Variants in CFAP57 observed in about 807,000 individuals in gnomAD.
The protein encoded by CFAP57 is cilia- and flagella-associated protein 57.
In CFAP57, 116 loss-of-function variants were observed where a neutral mutation model predicts 146.8. That is an observed-to-expected ratio of 0.79 (90% CI 0.68 to 0.92). The LOEUF (loss-of-function observed/expected upper bound fraction) is 0.92, where lower values mean the gene tolerates loss of function less well. CFAP57 is among the 40% of genes least tolerant of loss of function. The probability of loss-of-function intolerance (pLI) is 0.00; values close to 1 mark genes in which losing one functional copy is unlikely to be tolerated. For synonymous variants in CFAP57, 518 were observed against 552.8 expected, an observed-to-expected ratio of 0.94 and a Z score of 0.88; for missense variants, 1,377 against 1,527.2, an observed-to-expected ratio of 0.90 and a Z score of 1.64.
At chr1:43,205,274 A>G (rs1262982868) in intron 9 of CFAP57, among the ~76,000 whole-genome samples, 1 of 152,224 alleles carries the variant, frequency 6.6e-6, no homozygotes, top group Admixed American at 6.5e-5. Flanking sequence ...TGTTTTAGAC[A>G]ATGCCCATAG....
chr1:43,217,860 A>G (rs1644895684), intron 12 of CFAP57, among the ~76,000 whole-genome samples: 1 of 152,184 alleles, frequency 6.6e-6, no homozygotes, highest in Non-Finnish European at 1.5e-5. Flanking sequence ...CCTCTAAGAT[A>G]AAATCCAAAC....
chr1:43,210,582 A>G (rs1644560040), intron 11 of CFAP57: 1 of 263,450 alleles, frequency 3.8e-6, no homozygotes, highest in South Asian at 1.1e-4. Context: ...ACAAAAAGAT[A>G]AGTACAGTGT....
intron 15 of CFAP57, among the ~76,000 whole-genome samples, chr1:43,222,513 A>G (rs1347621312): frequency 6.6e-6 from 1 of 152,228 alleles, no homozygotes; most frequent in Non-Finnish European, 1.5e-5. Flanking sequence ...TGAGAGAAAA[A>G]TATAGGAAGG....
chr1:43,211,097 G>A (rs1413742077), intron 11 of CFAP57, among the ~76,000 whole-genome samples: 1 of 152,034 alleles, frequency 6.6e-6, no homozygotes, highest in Admixed American at 6.6e-5. Context: ...TGGCTTACCT[G>A]CAACACTAGC....
chr1:43,177,967 T>C (rs1474978467), intron 2 of CFAP57, among the ~76,000 whole-genome samples: 2 of 151,794 alleles, frequency 1.3e-5, no homozygotes, highest in African/African-American at 4.8e-5. Flanking sequence ...GCTGGGGAAA[T>C]GGGGAAGAAT....
At position 43,206,923 on chromosome 1, in the gene CFAP57, A is replaced by G. The variant is rs747382720; in HGVS notation, c.1746A>G (p.Ala582=). ...VGSDHTLKEI[A]DSLILREISA... ...CAGACCACACCCTCAAGGAGATTGCAGATTCCTTGGTGAGTCTGCCCCTGC... is the reference window on the plus strand; with the variant it reads ...CAGACCACACCCTCAAGGAGATTGCGGATTCCTTGGTGAGTCTGCCCCTGC... Residue 582 remains alanine, a synonymous_variant, in exon 10 of 23, where the codon GCA becomes GCG. Coordinates refer to ENST00000372492, the MANE Select transcript of CFAP57 (RefSeq NM_001378189.1). 6.2e-7 allele frequency: 1 copy of G among 1,613,584 alleles called. No homozygotes were observed. Among genetic ancestry groups the G allele is most frequent in the East Asian group, 2.2e-5 (1 of 44,854 alleles).
rs1206197241 is a variant in CFAP57, at chr1:43,201,567, C to A, written c.1542+2064C>A. Among the ~76,000 whole-genome samples the A allele has an allele frequency of 6.6e-6, 1 of 152,196 alleles. No individual in the cohort carries two copies. Among genetic ancestry groups the A allele is most frequent in the Non-Finnish European group, 1.5e-5 (1 of 68,036 alleles). ...GAGGCGTGATCTCGGCTCACTGCAA[C>A]CTCCACCTCCTGAGTTCAAGCGATT... On this transcript the variant is annotated intron_variant, in intron 9 of 22. Coordinates refer to ENST00000372492, the MANE Select transcript of CFAP57 (RefSeq NM_001378189.1). The surrounding 1 kb of genome is among the most constrained non-coding windows in gnomAD (Gnocchi z 4.4).
At chr1:43,232,294 C>A in intron 18 of CFAP57, 1 of 590,620 alleles carries the variant, frequency 1.7e-6, no homozygotes, top group South Asian at 2.2e-5. Context: ...GCCGTGGAAA[C>A]ACGTGATGCT....
At chr1:43,197,782 AAT>A in intron 7 of CFAP57, 90 bp downstream of exon 7, 1 of 1,540,590 alleles carries the variant, frequency 6.5e-7, no homozygotes, top group South Asian at 1.1e-5. Flanking sequence ...TCCAAACTTT[AAT>A]TATTTAGAAG....
intron 22 of CFAP57, among the ~76,000 whole-genome samples, chr1:43,244,475 A>G (rs907898300): frequency 1.3e-5 from 2 of 152,240 alleles, no homozygotes; most frequent in African/African-American, 2.4e-5. Flanking sequence ...TTTTATGTAT[A>G]TGTATATAAT....
intron 9 of CFAP57, among the ~76,000 whole-genome samples, chr1:43,200,346 G>A (rs903304705): frequency 6.6e-6 from 1 of 151,884 alleles, no homozygotes; most frequent in Non-Finnish European, 1.5e-5. Flanking sequence ...TATTAGCCAG[G>A]TGTGGTGGCA....
intron 2 of CFAP57, among the ~76,000 whole-genome samples, chr1:43,180,661 G>C (rs1645367417): frequency 6.6e-6 from 1 of 152,132 alleles, no homozygotes; most frequent in African/African-American, 2.4e-5. Context: ...GAAGATCCCA[G>C]GTTCTAGGTC....
chr1:43,210,960 A>G (rs1570117924), intron 11 of CFAP57: 1 of 150,452 alleles, frequency 6.6e-6, no homozygotes, highest in African/African-American at 2.4e-5. Flanking sequence ...AGTAATGTCT[A>G]TACCTACACT....
intron 10 of CFAP57, among the ~76,000 whole-genome samples, chr1:43,209,128 T>C (rs568046050): frequency 6.6e-5 from 10 of 152,318 alleles, no homozygotes; most frequent in African/African-American, 2.2e-4. Context: ...AACCATAGTA[T>C]ATATAGGGTT....
At chr1:43,207,697 G>C (rs1300905279) in intron 10 of CFAP57, among the ~76,000 whole-genome samples, 1 of 152,204 alleles carries the variant, frequency 6.6e-6, no homozygotes. Flanking sequence ...TCCAAATAGT[G>C]AAGGGAAAAG....
At chr1:43,172,940 G>A in intron 2 of CFAP57, 30 bp downstream of exon 2, 1 of 1,599,444 alleles carries the variant, frequency 6.3e-7, no homozygotes, top group Non-Finnish European at 8.6e-7. Context: ...GACATATACA[G>A]GAATGGTATG....
intron 11 of CFAP57, among the ~76,000 whole-genome samples, chr1:43,211,297 C>G (rs558350156): frequency 1.3e-5 from 2 of 152,144 alleles, no homozygotes; most frequent in East Asian, 3.9e-4. Flanking sequence ...AAATCCTTGC[C>G]AGGCGCAGTG....
At chr1:43,236,369 A>G (rs1043520084) in intron 21 of CFAP57, among the ~76,000 whole-genome samples, 3 of 151,904 alleles carry the variant, frequency 2.0e-5, no homozygotes, top group Non-Finnish European at 2.9e-5. Context: ...GGAAGATTTA[A>G]AAAAAAGAAA....
chr1:43,184,046 A>C (rs1645534040), intron 4 of CFAP57, among the ~76,000 whole-genome samples, 169 bp downstream of exon 4: 1 of 152,250 alleles, frequency 6.6e-6, no homozygotes, highest in South Asian at 2.1e-4. Flanking sequence ...CAGATTTAAC[A>C]GTTATAACCA....
Sources: allele counts gnomAD v4.1 joint callset (sites outside exome capture counted in the v4.1 genomes callset), GRCh38; gene constraint gnomAD v4.1.1; non-coding constraint Gnocchi (gnomAD v3.1); transcripts MANE v1.5; gene names NCBI Gene and HGNC (gene_info 2026-07-23, HGNC 2026-07-21).